The following RASA3 variants were observed in gnomAD, a reference collection of about 807,000 sequenced individuals.
RASA3 encodes RAS p21 protein activator 3.
A neutral mutation model predicts 110.0 loss-of-function variants in RASA3; 73 were observed. That is an observed-to-expected ratio of 0.66 (90% CI 0.55 to 0.81). The LOEUF is 0.81. Among genes scored for constraint, RASA3 ranks in the 30% least tolerant of loss-of-function variants. The pLI, the probability that RASA3 is intolerant of heterozygous loss-of-function variation, is 0.00. For synonymous variants in RASA3, 500 were observed against 451.4 expected, an observed-to-expected ratio of 1.11 and a Z score of -1.37; for missense variants, 976 against 1,113.2, an observed-to-expected ratio of 0.88 and a Z score of 1.75.
intron 2 of RASA3, among the ~76,000 whole-genome samples, chr13:114,062,767 T>C (rs958596420): frequency 2.6e-5 from 4 of 151,480 alleles, no homozygotes; most frequent in African/African-American, 7.3e-5. Context: ...AGCCAGACAG[T>C]GGAAACAAGG....
intron 1 of RASA3, among the ~76,000 whole-genome samples, chr13:114,091,473 A>C (rs1383509149): frequency 1.3e-5 from 2 of 151,150 alleles, no homozygotes; most frequent in Non-Finnish European, 2.9e-5. Context: ...TGAAATAATC[A>C]TGGTTTTTGT....
chr13:114,033,134 G>A (rs1216212616), intron 4 of RASA3, among the ~76,000 whole-genome samples: 6 of 44,666 alleles, frequency 1.3e-4, no homozygotes, highest in Non-Finnish European at 1.2e-4. Flanking sequence ...CGGAACCCCC[G>A]CACTGACACC....
At chr13:114,005,397 C>A (rs1269009089) in intron 18 of RASA3, among the ~76,000 whole-genome samples, 2 of 152,164 alleles carry the variant, frequency 1.3e-5, no homozygotes, top group African/African-American at 4.8e-5. Flanking sequence ...CTCCAGGGAC[C>A]TCTGGGTGGA....
chr13:114,032,228 C>T (rs187285262), intron 4 of RASA3, among the ~76,000 whole-genome samples: 115 of 152,234 alleles, frequency 7.6e-4, no homozygotes, highest in Admixed American at 2.0e-3. Flanking sequence ...ACCCTGAACC[C>T]GGCTCTATTC....
intron 22 of RASA3, 75 bp from the exon 23 acceptor site, chr13:113,981,933 G>A (rs564170747): frequency 1.8e-5 from 25 of 1,423,910 alleles, no homozygotes; most frequent in East Asian, 9.2e-5. Context: ...CTGCGTCGCT[G>A]CAGGCCCCAC....
chr13:114,113,004 A>C (rs1012437792), intron 1 of RASA3, among the ~76,000 whole-genome samples: 1 of 152,142 alleles, frequency 6.6e-6, no homozygotes, highest in Non-Finnish European at 1.5e-5. Flanking sequence ...GCAGAGGCCG[A>C]CCAGGACTCC....
rs550519879 is a variant in RASA3, at chr13:114,030,446, A to G, written c.373-559T>C. On this transcript the variant is annotated intron_variant, in intron 4 of 23. Coordinates refer to ENST00000334062, the MANE Select transcript of RASA3 (RefSeq NM_007368.4). ...CACACAGAGGGCAAGGCTCACACAG[A>G]GGGCAAGGCTCACACAGAGGGCAAG... 6.2e-3 allele frequency among the ~76,000 whole-genome samples: 652 copies of G among 105,220 alleles called. 12 individuals carry two copies. Among genetic ancestry groups the G allele is most frequent in the African/African-American group, 0.018 (476 of 25,942 alleles). 69.0% of individuals were successfully genotyped at this position (105,220 alleles called of 152,430 possible).
At chr13:114,015,019 C>A (rs755236643) in intron 14 of RASA3, among the ~76,000 whole-genome samples, 190 bp downstream of exon 14, 3 of 152,140 alleles carry the variant, frequency 2.0e-5, no homozygotes, top group Non-Finnish European at 4.4e-5. Context: ...CCCCCAGAGA[C>A]CACTGCGGTT....
intron 2 of RASA3, among the ~76,000 whole-genome samples, chr13:114,062,593 G>A (rs115801817): frequency 0.017 from 2,510 of 151,792 alleles, 59 homozygotes; most frequent in African/African-American, 0.058. Context: ...CACAGCCCAC[G>A]TCCGCACGCA....
intron 16 of RASA3, among the ~76,000 whole-genome samples, chr13:114,010,934 G>A (rs2139237012): frequency 6.6e-6 from 1 of 151,996 alleles, no homozygotes; most frequent in African/African-American, 2.4e-5. Context: ...CCTGCCACGG[G>A]GCCGGCGACG....
chr13:113,996,811 G>A (rs1298719383), intron 20 of RASA3, 72 bp from the exon 21 acceptor site: 2 of 1,355,906 alleles, frequency 1.5e-6, no homozygotes, highest in African/African-American at 2.9e-5. Flanking sequence ...AGTCCACCAG[G>A]CACCTGGCCG....
intron 1 of RASA3, among the ~76,000 whole-genome samples, chr13:114,091,328 C>T (rs1366918874): frequency 6.6e-6 from 1 of 151,886 alleles, no homozygotes; most frequent in Non-Finnish European, 1.5e-5. Flanking sequence ...GAGCTTTCCC[C>T]ATTCGGTATG....
At chr13:113,980,409 CCCA>C (rs942336915) in intron 23 of RASA3, among the ~76,000 whole-genome samples, 38 of 150,222 alleles carry the variant, frequency 2.5e-4, no homozygotes, top group East Asian at 9.9e-4. Context: ...ACCACCTCCT[CCCA>C]CGTGTTCACC....
intron 2 of RASA3, among the ~76,000 whole-genome samples, chr13:114,058,069 G>A (rs2079274622): frequency 6.6e-6 from 1 of 152,130 alleles, no homozygotes; most frequent in East Asian, 1.9e-4. Context: ...ATTTTAGCAC[G>A]GAGGCCAGAA....
chr13:114,009,318 C>G, intron 17 of RASA3, 69 bp downstream of exon 17: 1 of 1,300,484 alleles, frequency 7.7e-7, no homozygotes, highest in South Asian at 1.2e-5. Context: ...GGTTCTATCT[C>G]AATTTTAAAA....
chr13:114,110,594 G>A (rs1054937270), intron 1 of RASA3, among the ~76,000 whole-genome samples: 9 of 152,184 alleles, frequency 5.9e-5, no homozygotes, highest in South Asian at 2.1e-4. Context: ...AGCGTGAGCC[G>A]GCAAAGCACT....
chr13:114,079,673 G>T (rs776890913), intron 1 of RASA3, among the ~76,000 whole-genome samples: 1 of 152,226 alleles, frequency 6.6e-6, no homozygotes, highest in African/African-American at 2.4e-5. Context: ...CAGGGTCTCA[G>T]TGAGGCACAG....
intron 2 of RASA3, among the ~76,000 whole-genome samples, chr13:114,054,402 C>T (rs552662500): frequency 1.8e-4 from 28 of 151,938 alleles, no homozygotes; most frequent in South Asian, 1.0e-3. Context: ...CAGGCATAAG[C>T]CCAAACCTGG....
rs10638832 is a variant in RASA3, at chr13:114,014,022, C to CTCTA, written c.1406-775_1406-774insTAGA. On this transcript the variant is annotated intron_variant, in intron 14 of 23. Coordinates refer to ENST00000334062, the MANE Select transcript of RASA3 (RefSeq NM_007368.4). The surrounding 1 kb of genome is among the most constrained non-coding windows in gnomAD (Gnocchi z 4.5). ...TCCGTCTGTCTCTGTCTCTCTCCAT[C>CTCTA]TCTCTCTCTCCGTCTCTATCTCTCT... is the stretch of plus-strand genomic sequence containing the variant. 0.63 allele frequency among the ~76,000 whole-genome samples: 75,296 copies of CTCTA among 119,686 alleles called. 23,433 individuals are homozygous for CTCTA. The highest frequency in any genetic ancestry group is 0.8 in the African/African-American group (26,127 of 32,666). 78.5% of individuals were successfully genotyped at this position (119,686 alleles called of 152,430 possible).
Sources: gnomAD v4.1 joint callset for allele counts (sites outside exome capture counted in the v4.1 genomes callset) on GRCh38, gnomAD v4.1.1 for gene constraint, Gnocchi (gnomAD v3.1) non-coding constraint, MANE v1.5 for transcripts, NCBI Gene and HGNC (gene_info 2026-07-23, HGNC 2026-07-21) for gene names.